Variants in TENM4 observed in about 807,000 individuals in gnomAD.
TENM4 encodes teneurin-4.
A neutral mutation model predicts 243.3 loss-of-function variants in TENM4; 82 were observed. That is an observed-to-expected ratio of 0.34 (90% CI 0.28 to 0.40). The LOEUF (loss-of-function observed/expected upper bound fraction) is 0.40, where lower values mean the gene tolerates loss of function less well. TENM4 is among the 10% of genes least tolerant of loss of function. TENM4 has a pLI of 1.00. For missense variants in TENM4, 3,138 were observed against 3,673.3 expected (o/e 0.85, Z 3.77); for synonymous variants, 1,412 against 1,456.3 (o/e 0.97, Z 0.69).
chr11:79,259,661 C>A (rs1000625719), intron 2 of TENM4, among the ~76,000 whole-genome samples: 1 of 15,122 alleles, frequency 6.6e-5, no homozygotes, highest in Non-Finnish European at 1.5e-4. Flanking sequence ...ATCCATCTAT[C>A]CATCCATCCA....
At chr11:78,777,981 G>A (rs1856769926) in intron 17 of TENM4, among the ~76,000 whole-genome samples, 1 of 152,106 alleles carries the variant, frequency 6.6e-6, no homozygotes, top group Admixed American at 6.5e-5. Flanking sequence ...ACTCTTCAAA[G>A]ACAAAACTTA....
intron 2 of TENM4, among the ~76,000 whole-genome samples, chr11:79,285,021 C>T (rs753753527): frequency 1.3e-5 from 2 of 152,038 alleles, no homozygotes; most frequent in Admixed American, 6.6e-5. Context: ...GGGCAGATCA[C>T]GAGGTCAAGA....
At chr11:78,919,123 T>A (rs914785756) in intron 6 of TENM4, among the ~76,000 whole-genome samples, 3 of 152,238 alleles carry the variant, frequency 2.0e-5, no homozygotes, top group African/African-American at 7.2e-5. Flanking sequence ...GTATTCACTA[T>A]GTCTACAGTC....
rs747371174 is a variant in TENM4, at chr11:78,863,060, G to A, written c.1157C>T (p.Thr386Ile). Residue 386 changes from threonine to isoleucine, a missense_variant, in exon 10 of 34, where the codon ACA becomes ATA. Transcript: ENST00000278550. ...GGTTGGCACAGGCCAACTGCTGGCT[G>A]TGTCCTCCGTGATCTCATACATCTG... The part of the protein sequence containing the change: ...EGQMYEITED[T>I]ASSWPVPTDV... The A allele has an allele frequency of 4.6e-6, 7 of 1,538,032 alleles. No individual in the cohort carries two copies. The highest frequency in any genetic ancestry group is 1.7e-4 in the Middle Eastern group (1 of 5,938).
intron 29 of TENM4, among the ~76,000 whole-genome samples, chr11:78,684,035 G>A (rs1402412143): frequency 6.6e-6 from 1 of 152,110 alleles, no homozygotes; most frequent in Non-Finnish European, 1.5e-5. Context: ...AGCTTCCCCT[G>A]TTCCACTGGC....
intron 2 of TENM4, among the ~76,000 whole-genome samples, chr11:79,294,901 C>G (rs1323626017): frequency 6.6e-6 from 1 of 152,118 alleles, no homozygotes; most frequent in Non-Finnish European, 1.5e-5. Flanking sequence ...TTCCATTATA[C>G]AAAGCATGGG....
intron 6 of TENM4, among the ~76,000 whole-genome samples, chr11:79,024,327 T>A (rs1336246316): frequency 6.6e-6 from 1 of 152,188 alleles, no homozygotes; most frequent in Non-Finnish European, 1.5e-5. Context: ...TCCAAGACCC[T>A]GGTTTACAGT....
At chr11:78,891,492 G>A (rs1855664699) in intron 7 of TENM4, among the ~76,000 whole-genome samples, 156 bp from the exon 8 acceptor site, 1 of 152,238 alleles carries the variant, frequency 6.6e-6, no homozygotes, top group Admixed American at 6.5e-5. Flanking sequence ...AGCCACATGT[G>A]CAAGGGGTCC....
At position 78,899,230 on chromosome 11, in the gene TENM4, A is replaced by G. The variant is rs73500643; in HGVS notation, c.749+4038T>C. 3.3e-3 allele frequency among the ~76,000 whole-genome samples: 505 copies of G among 152,142 alleles called. 3 individuals carry two copies. The highest frequency in any genetic ancestry group is 0.011 in the African/African-American group (453 of 41,512). ...GCACAATTACCCTGCTAGGAAGCCT[A>G]TTTGGAGAGGCCCTTAGAGGGAGAG... is the stretch of plus-strand genomic sequence containing the variant. On this transcript the variant is annotated intron_variant, in intron 7 of 33. Coordinates refer to ENST00000278550, the MANE Select transcript of TENM4 (RefSeq NM_001098816.3).
intron 1 of TENM4, among the ~76,000 whole-genome samples, chr11:79,357,192 T>G (rs1303240294): frequency 6.6e-6 from 1 of 152,214 alleles, no homozygotes; most frequent in Non-Finnish European, 1.5e-5. Flanking sequence ...GGGCAGTAAC[T>G]GGCACATGCC....
intron 15 of TENM4, among the ~76,000 whole-genome samples, chr11:78,791,935 G>A (rs1181908099): frequency 6.6e-6 from 1 of 152,126 alleles, no homozygotes; most frequent in Non-Finnish European, 1.5e-5. Flanking sequence ...ATCTTTTGAA[G>A]TACTAGGAGT....
chr11:79,303,688 G>A (rs1264227472), intron 1 of TENM4, among the ~76,000 whole-genome samples: 1 of 152,152 alleles, frequency 6.6e-6, no homozygotes, highest in East Asian at 1.9e-4. Flanking sequence ...GAACCCAGGA[G>A]GTTTGGCTCC....
intron 6 of TENM4, among the ~76,000 whole-genome samples, chr11:78,909,228 G>C (rs1369162984): frequency 1.3e-5 from 2 of 152,064 alleles, no homozygotes; most frequent in Non-Finnish European, 2.9e-5. Flanking sequence ...TACACAAACT[G>C]GTGATGATAA....
intron 1 of TENM4, among the ~76,000 whole-genome samples, chr11:79,423,683 G>A (rs575542749): frequency 6.6e-6 from 1 of 152,086 alleles, no homozygotes; most frequent in East Asian, 1.9e-4. Flanking sequence ...GGCGCAGGGA[G>A]GGTTAAATGT....
chr11:79,412,970 G>T (rs922701327), intron 1 of TENM4, among the ~76,000 whole-genome samples: 1 of 152,200 alleles, frequency 6.6e-6, no homozygotes, highest in Non-Finnish European at 1.5e-5. Context: ...CATAACAAAG[G>T]CAAGGGCAGG....
At chr11:78,837,784 C>T (rs1858151325) in intron 12 of TENM4, among the ~76,000 whole-genome samples, 1 of 152,108 alleles carries the variant, frequency 6.6e-6, no homozygotes, top group Non-Finnish European at 1.5e-5. Flanking sequence ...TCCCATAGTT[C>T]AGACTTTTAT....
intron 7 of TENM4, among the ~76,000 whole-genome samples, chr11:78,901,083 GA>G (rs1179862137): frequency 6.6e-6 from 1 of 152,172 alleles, no homozygotes; most frequent in Admixed American, 6.5e-5. Flanking sequence ...AGCTCTGCAA[GA>G]CTCTGTGAAA....
intron 9 of TENM4, among the ~76,000 whole-genome samples, chr11:78,885,149 A>G (rs369478102): frequency 2.0e-5 from 3 of 152,314 alleles, no homozygotes; most frequent in South Asian, 4.1e-4. Context: ...TCAGGGTCTG[A>G]CCTAAAACTA....
chr11:78,796,617 A>G (rs868048372), intron 15 of TENM4, among the ~76,000 whole-genome samples: 9 of 152,004 alleles, frequency 5.9e-5, no homozygotes, highest in Admixed American at 6.6e-5. Context: ...ACCAAACCTG[A>G]CCTTGTCACA....
Sources: allele counts gnomAD v4.1 joint callset (sites outside exome capture counted in the v4.1 genomes callset), GRCh38; gene constraint gnomAD v4.1.1; transcripts MANE v1.5; gene names NCBI Gene and HGNC (gene_info 2026-07-23, HGNC 2026-07-21).